The following CAMTA1 variants were observed in gnomAD, a reference collection of about 807,000 sequenced individuals.
CAMTA1 encodes the protein calmodulin-binding transcription activator 1.
CAMTA1 carries 27 observed loss-of-function variants against 170.9 expected under a neutral mutation model. The observed-to-expected ratio is 0.16, with a 90% CI of 0.12 to 0.22. The LOEUF is 0.22. Ranked by LOEUF, CAMTA1 falls within the 10% of genes least tolerant of loss-of-function variation. The pLI is 1.00. For synonymous variants in CAMTA1, 833 were observed against 891.5 expected, an observed-to-expected ratio of 0.93 and a Z score of 1.17; for missense variants, 1,619 against 2,217.2, an observed-to-expected ratio of 0.73 and a Z score of 5.42.
intron 3 of CAMTA1, among the ~76,000 whole-genome samples, chr1:6,901,418 G>T (rs1213484397): frequency 6.6e-6 from 1 of 152,152 alleles, no homozygotes; most frequent in Non-Finnish European, 1.5e-5. Context: ...TTCTTCAAAA[G>T]GTACTGTTTA....
chr1:7,188,081 G>C (rs1195104292), intron 4 of CAMTA1, among the ~76,000 whole-genome samples: 1 of 152,216 alleles, frequency 6.6e-6, no homozygotes, highest in Non-Finnish European at 1.5e-5. Flanking sequence ...AAGTGGGCAA[G>C]AGGGGAACTA....
rs547861853 is a variant in CAMTA1, at chr1:7,041,458, G to T, written c.235-49846G>T. Among the ~76,000 whole-genome samples the T allele has an allele frequency of 6.6e-6, 1 of 152,364 alleles. No homozygotes were observed. Among genetic ancestry groups the T allele is most frequent in the South Asian group, 2.1e-4 (1 of 4,832 alleles). ...GTTTTAAGTGAAATTCCTGTTGAGAGTCTCTTAAGCTAGATTTATATCTGA... is the reference window on the plus strand; with the variant it reads ...GTTTTAAGTGAAATTCCTGTTGAGATTCTCTTAAGCTAGATTTATATCTGA... On this transcript the variant is annotated intron_variant, in intron 3 of 22. Coordinates refer to ENST00000303635, the MANE Select transcript of CAMTA1 (RefSeq NM_015215.4). The surrounding 1 kb of genome is among the most constrained non-coding windows in gnomAD (Gnocchi z 5.1).
At chr1:7,461,713 A>G (rs1202864699) in intron 5 of CAMTA1, among the ~76,000 whole-genome samples, 4 of 152,212 alleles carry the variant, frequency 2.6e-5, no homozygotes, top group Non-Finnish European at 5.9e-5. Context: ...TGGGAGGTGG[A>G]CCCAAGGAAA....
Position 7,664,462 on chromosome 1 carries a change from G to C in CAMTA1, c.1915G>C (p.Gly639Arg). Residue 639 changes from glycine to arginine, a missense_variant, in exon 9 of 23, where the codon GGG becomes CGG. This residue lies in a region of CAMTA1 where 731 missense variants were observed against 907.6 expected (regional missense o/e 0.81). Transcript: ENST00000303635. ...CACCCACAGCAGCCTGAGTGACTCT[G>C]GGGGCACCTTCGTGATGCCCACGGT... is the stretch of plus-strand genomic sequence containing the variant. ...QNTHSSLSDSGGTFVMPTVKT... is the reference protein window; with the variant it reads ...QNTHSSLSDSRGTFVMPTVKT... The C allele has an allele frequency of 6.2e-7, 1 of 1,613,366 alleles. No individual in the cohort carries two copies. Among genetic ancestry groups the C allele is most frequent in the South Asian group, 1.1e-5 (1 of 91,086 alleles).
At chr1:7,196,222 C>T (rs190170565) in intron 4 of CAMTA1, among the ~76,000 whole-genome samples, 3 of 152,038 alleles carry the variant, frequency 2.0e-5, no homozygotes, top group East Asian at 1.9e-4. Context: ...CTCTCTCCTA[C>T]TCCACCTGGT....
intron 4 of CAMTA1, among the ~76,000 whole-genome samples, chr1:7,207,224 A>C (rs369336841): frequency 6.6e-6 from 1 of 152,238 alleles, no homozygotes; most frequent in South Asian, 2.1e-4. Context: ...GATGAATAAG[A>C]CCCAGTTCCC....
intron 4 of CAMTA1, among the ~76,000 whole-genome samples, chr1:7,103,874 A>C (rs1643192187): frequency 1.6e-5 from 2 of 125,864 alleles, no homozygotes; most frequent in South Asian, 5.4e-4. Context: ...CACACACACA[A>C]CTACACACAT....
chr1:7,354,779 T>C (rs2084968333), intron 5 of CAMTA1, among the ~76,000 whole-genome samples: 1 of 152,256 alleles, frequency 6.6e-6, no homozygotes, highest in Non-Finnish European at 1.5e-5. Context: ...TGTGATGGTG[T>C]CTCATTGTGG....
intron 6 of CAMTA1, among the ~76,000 whole-genome samples, chr1:7,538,709 T>C (rs2094576301): frequency 6.6e-6 from 1 of 152,062 alleles, no homozygotes; most frequent in Non-Finnish European, 1.5e-5. Flanking sequence ...ACAAACTGAG[T>C]CTGCCTCATT....
chr1:7,556,090 T>C (rs2094873366), intron 6 of CAMTA1, among the ~76,000 whole-genome samples: 2 of 152,084 alleles, frequency 1.3e-5, no homozygotes, highest in African/African-American at 4.8e-5. Flanking sequence ...AGAGCCTCTA[T>C]TGTGGTTTTT....
At chr1:7,278,753 A>G (rs7539551) in intron 5 of CAMTA1, among the ~76,000 whole-genome samples, 31,604 of 152,102 alleles carry the variant, frequency 0.21, 3,574 homozygotes, top group East Asian at 0.44. Context: ...AGGAAGGGGA[A>G]TAGTGGAGAG....
chr1:7,719,839 C>T (rs1055306327), intron 11 of CAMTA1, among the ~76,000 whole-genome samples: 36 of 152,246 alleles, frequency 2.4e-4, no homozygotes, highest in African/African-American at 8.0e-4. Flanking sequence ...GCTCACAGTG[C>T]TCTACAGAAA....
At chr1:7,237,417 T>G (rs1664089382) in intron 4 of CAMTA1, among the ~76,000 whole-genome samples, 2 of 152,028 alleles carry the variant, frequency 1.3e-5, no homozygotes, top group African/African-American at 4.8e-5. Context: ...CAGATGAAAT[T>G]GGTGGTTGTT....
chr1:7,062,600 G>T (rs1457414480), intron 3 of CAMTA1, among the ~76,000 whole-genome samples: 1 of 152,192 alleles, frequency 6.6e-6, no homozygotes, highest in African/African-American at 2.4e-5. Flanking sequence ...GCTGTGGGGT[G>T]GGGAGCCGTG....
At chr1:6,806,908 G>A (rs1644577997) in intron 1 of CAMTA1, 4 of 418,292 alleles carry the variant, frequency 9.6e-6, no homozygotes, top group Non-Finnish European at 1.7e-5. Flanking sequence ...CAGGGGCCAC[G>A]TGAACATTGG....
intron 5 of CAMTA1, among the ~76,000 whole-genome samples, chr1:7,330,824 G>C (rs970293236): frequency 6.6e-6 from 1 of 152,234 alleles, no homozygotes; most frequent in African/African-American, 2.4e-5. Flanking sequence ...TGGCCCGCAG[G>C]AGCTGTGTGC....
intron 3 of CAMTA1, among the ~76,000 whole-genome samples, chr1:6,842,068 C>G (rs1235184042): frequency 6.6e-6 from 1 of 152,212 alleles, no homozygotes; most frequent in Non-Finnish European, 1.5e-5. Flanking sequence ...CTCCTGCCCC[C>G]CAACCACTTC....
intron 3 of CAMTA1, among the ~76,000 whole-genome samples, chr1:6,968,310 CG>C (rs1261015355): frequency 6.6e-6 from 1 of 152,150 alleles, no homozygotes; most frequent in Non-Finnish European, 1.5e-5. Flanking sequence ...GGGACAAGAT[CG>C]GAAGTAGAGT....
intron 6 of CAMTA1, among the ~76,000 whole-genome samples, chr1:7,497,048 C>T (rs1329029606): frequency 6.6e-6 from 1 of 152,194 alleles, no homozygotes; most frequent in Non-Finnish European, 1.5e-5. Flanking sequence ...GCTGAGGCCA[C>T]CAAGGCCACG....
Sources: gnomAD v4.1 joint callset for allele counts (sites outside exome capture counted in the v4.1 genomes callset) on GRCh38, gnomAD v4.1.1 for gene constraint, gnomAD v4.1.1 regional missense constraint, Gnocchi (gnomAD v3.1) non-coding constraint, MANE v1.5 for transcripts, NCBI Gene and HGNC (gene_info 2026-07-23, HGNC 2026-07-21) for gene names.